Variants in IKZF3 observed in about 807,000 individuals in gnomAD.
IKZF3 encodes IKAROS family zinc finger 3, also known as zinc finger protein Aiolos.
IKZF3 carries 10 observed loss-of-function variants against 49.0 expected under a neutral mutation model. That is an observed-to-expected ratio of 0.20 (90% CI 0.13 to 0.35). The LOEUF (loss-of-function observed/expected upper bound fraction) is 0.35, where lower values mean the gene tolerates loss of function less well. IKZF3 is among the 10% of genes least tolerant of loss of function. The pLI is 1.00. For synonymous variants in IKZF3, 209 were observed against 228.2 expected (o/e 0.92, Z 0.76); for missense variants, 498 against 664.8 (o/e 0.75, Z 2.76).
intron 3 of IKZF3, among the ~76,000 whole-genome samples, chr17:39,819,247 C>T (rs956115342): frequency 1.3e-5 from 2 of 152,134 alleles, no homozygotes; most frequent in Non-Finnish European, 2.9e-5. Flanking sequence ...ACCCCTGAAC[C>T]CAAAGTAAAT....
intron 7 of IKZF3, among the ~76,000 whole-genome samples, chr17:39,773,975 C>T (rs1244760824): frequency 6.6e-6 from 1 of 151,520 alleles, no homozygotes; most frequent in Non-Finnish European, 1.5e-5. Context: ...GAAACAAAGA[C>T]ATACAAAATT....
At chr17:39,769,962 A>G (rs2060395624) in intron 7 of IKZF3, among the ~76,000 whole-genome samples, 1 of 152,230 alleles carries the variant, frequency 6.6e-6, no homozygotes, top group South Asian at 2.1e-4. Context: ...ATGTGACTGA[A>G]TTCTGTAGTT....
chr17:39,860,155 G>C (rs1409509037), intron 1 of IKZF3, among the ~76,000 whole-genome samples: 1 of 152,080 alleles, frequency 6.6e-6, no homozygotes, highest in Non-Finnish European at 1.5e-5. Flanking sequence ...TGTAGTCCTA[G>C]CTACTCAGAA....
At chr17:39,790,804 C>T (rs2060998896) in intron 5 of IKZF3, among the ~76,000 whole-genome samples, 1 of 151,492 alleles carries the variant, frequency 6.6e-6, no homozygotes. Context: ...GCCTGTAATC[C>T]CAGCACTTTG....
chr17:39,801,667 C>T (rs1021825153), intron 3 of IKZF3, among the ~76,000 whole-genome samples: 3 of 152,054 alleles, frequency 2.0e-5, no homozygotes, highest in Non-Finnish European at 4.4e-5. Context: ...TTTTCATTTT[C>T]TAATTTACAT....
At chr17:39,859,411 G>C (rs2063155695) in intron 1 of IKZF3, among the ~76,000 whole-genome samples, 1 of 147,622 alleles carries the variant, frequency 6.8e-6, no homozygotes, top group South Asian at 2.1e-4. Context: ...GTCTTGCTCT[G>C]TTGCCCAGGC....
chr17:39,798,990 T>TGTGC (rs2061246464), intron 3 of IKZF3, among the ~76,000 whole-genome samples: 1 of 52,840 alleles, frequency 1.9e-5, no homozygotes. Context: ...ATTGTGTGTG[T>TGTGC]GTGTGCGTGT....
At chr17:39,835,344 T>A in intron 1 of IKZF3, 3 of 507,494 alleles carry the variant, frequency 5.9e-6, no homozygotes, top group Admixed American at 4.2e-5. Context: ...TAGGGCGGCC[T>A]CCAGCTTGGA....
intron 3 of IKZF3, 111 bp from the exon 4 acceptor site, chr17:39,793,044 A>G: frequency 9.4e-7 from 1 of 1,061,018 alleles, no homozygotes; most frequent in Non-Finnish European, 1.4e-6. Flanking sequence ...GAAGCTAACA[A>G]AACACTGTAC....
intron 1 of IKZF3, among the ~76,000 whole-genome samples, chr17:39,853,559 G>A (rs2144541353): frequency 6.6e-6 from 1 of 152,304 alleles, no homozygotes; most frequent in South Asian, 2.1e-4. Context: ...TAACAGGCCA[G>A]GAGCGGTGGT....
At chr17:39,772,291 C>T (rs182083909) in intron 7 of IKZF3, among the ~76,000 whole-genome samples, 6 of 152,116 alleles carry the variant, frequency 3.9e-5, no homozygotes, top group South Asian at 2.1e-4. Context: ...GCAAAATGAT[C>T]GAACCTTTAG....
At chr17:39,850,771 TATATAG>T (rs2062835034) in intron 1 of IKZF3, among the ~76,000 whole-genome samples, 1 of 118,428 alleles carries the variant, frequency 8.4e-6, no homozygotes, top group Non-Finnish European at 1.6e-5. Flanking sequence ...TTATATATAA[TATATAG>T]TATATATACA....
At chr17:39,769,774 G>A (rs2060390091) in intron 7 of IKZF3, among the ~76,000 whole-genome samples, 1 of 152,172 alleles carries the variant, frequency 6.6e-6, no homozygotes, top group Non-Finnish European at 1.5e-5. Flanking sequence ...GTTTCTGGGT[G>A]GGGTAGGCAC....
chr17:39,853,895 C>T (rs752651122), intron 1 of IKZF3, among the ~76,000 whole-genome samples: 1 of 150,512 alleles, frequency 6.6e-6, no homozygotes, highest in Non-Finnish European at 1.5e-5. Flanking sequence ...TTTGGGAGGC[C>T]GAGGAAGGTG....
At chr17:39,852,337 G>C (rs570517793) in intron 1 of IKZF3, among the ~76,000 whole-genome samples, 6 of 151,890 alleles carry the variant, frequency 4.0e-5, no homozygotes, top group Non-Finnish European at 8.8e-5. Flanking sequence ...TACCCACTTC[G>C]ATTTGGTTTC....
At chr17:39,813,135 A>C (rs1479425910) in intron 3 of IKZF3, among the ~76,000 whole-genome samples, 1 of 151,326 alleles carries the variant, frequency 6.6e-6, no homozygotes, top group Non-Finnish European at 1.5e-5. Flanking sequence ...AAATAAATAA[A>C]TAAAAAGAAT....
At chr17:39,813,881 C>G (rs1045747075) in intron 3 of IKZF3, among the ~76,000 whole-genome samples, 1 of 152,168 alleles carries the variant, frequency 6.6e-6, no homozygotes, top group Non-Finnish European at 1.5e-5. Context: ...CCTTTTGAAG[C>G]ATATATTTGC....
intron 3 of IKZF3, among the ~76,000 whole-genome samples, chr17:39,795,189 T>A (rs1158982449): frequency 6.6e-6 from 1 of 152,180 alleles, no homozygotes; most frequent in East Asian, 1.9e-4. Context: ...CCATCCTGGC[T>A]CAAGAGCAGA....
At chr17:39,788,893 G>A (rs1368567670) in intron 5 of IKZF3, among the ~76,000 whole-genome samples, 1 of 152,152 alleles carries the variant, frequency 6.6e-6, no homozygotes, top group African/African-American at 2.4e-5. Flanking sequence ...CTATAGCAAA[G>A]TCTAGGCTAA....
Sources: gnomAD v4.1 joint callset for allele counts (sites outside exome capture counted in the v4.1 genomes callset) on GRCh38, gnomAD v4.1.1 for gene constraint, MANE v1.5 for transcripts, NCBI Gene and HGNC (gene_info 2026-07-23, HGNC 2026-07-21) for gene names.